Variants in LRRC37B observed in about 807,000 individuals in gnomAD.
The protein encoded by LRRC37B is leucine-rich repeat-containing protein 37B.
In LRRC37B, 28 loss-of-function variants were observed where a neutral mutation model predicts 98.3. The ratio of observed to expected loss-of-function variants is 0.28; its 90% CI spans 0.21 to 0.39. The LOEUF is 0.39. Ranked by LOEUF, LRRC37B falls within the 10% of genes least tolerant of loss-of-function variation. The pLI, the probability that LRRC37B is intolerant of heterozygous loss-of-function variation, is 1.00. For synonymous variants in LRRC37B, 364 were observed against 442.7 expected, an observed-to-expected ratio of 0.82 and a Z score of 2.23; for missense variants, 938 against 1,182.7, an observed-to-expected ratio of 0.79 and a Z score of 3.03.
At chr17:32,027,298 G>A (rs569609564) in intron 2 of LRRC37B, among the ~76,000 whole-genome samples, 9 of 152,258 alleles carry the variant, frequency 5.9e-5, no homozygotes, top group African/African-American at 2.2e-4. Flanking sequence ...AATTTGGTGG[G>A]AAGAGTGGAG....
rs1910978148 is a variant in LRRC37B, at chr17:32,027,176, A to G, written c.1833-593A>G. Among the ~76,000 whole-genome samples, 4 of 152,238 alleles carry G rather than the reference A, an allele frequency of 2.6e-5. No individual in the cohort carries two copies. The South Asian group carries it at 8.3e-4, about 32-fold the overall frequency. On this transcript the variant is annotated intron_variant, in intron 2 of 11. Transcript: ENST00000327564. Reference sequence around the variant, plus strand: ...ACATGGTCCCATGTGGGGCTTTTGTAATAAGGTTTGGGAGAAGAGAGGAGG... The same window carrying G: ...ACATGGTCCCATGTGGGGCTTTTGTGATAAGGTTTGGGAGAAGAGAGGAGG...
At chr17:32,039,823 C>G (rs960243883) in intron 7 of LRRC37B, among the ~76,000 whole-genome samples, 1 of 151,690 alleles carries the variant, frequency 6.6e-6, no homozygotes, top group Non-Finnish European at 1.5e-5. Context: ...CTTATCTTCA[C>G]CGGGCTGTCA....
upstream of LRRC37B, chr17:32,020,877 C>G: frequency 3.5e-6 from 3 of 865,616 alleles, no homozygotes; most frequent in African/African-American, 1.8e-5. Flanking sequence ...CCGCTGGAGT[C>G]CTGGGACCAC....
At chr17:32,014,043 C>A (rs534712533) in intron 1 of LRRC37B, among the ~76,000 whole-genome samples, 79 of 152,208 alleles carry the variant, frequency 5.2e-4, no homozygotes, top group African/African-American at 1.7e-3. Flanking sequence ...ACTCAATTAC[C>A]ACCAAAATAT....
chr17:32,017,324 G>A (rs1344331487), upstream of LRRC37B: 1 of 152,118 alleles, frequency 6.6e-6, no homozygotes, highest in Non-Finnish European at 1.5e-5. Flanking sequence ...ACCAGCCCAT[G>A]GTCTCTATTT....
intron 1 of LRRC37B, among the ~76,000 whole-genome samples, chr17:32,010,982 A>C (rs540022584): frequency 7.2e-5 from 11 of 151,746 alleles, no homozygotes; most frequent in Non-Finnish European, 1.3e-4. Context: ...CTCTAGCTTT[A>C]TAGATGAAGG....
chr17:32,046,337 A>G (rs1399431406), intron 8 of LRRC37B, among the ~76,000 whole-genome samples: 6 of 152,206 alleles, frequency 3.9e-5, no homozygotes, highest in Non-Finnish European at 5.9e-5. Context: ...TGGCTCTTCT[A>G]TTGGAATGGG....
intron 7 of LRRC37B, chr17:32,035,902 A>AGTAG: frequency 3.1e-6 from 1 of 324,780 alleles, no homozygotes; most frequent in Non-Finnish European, 5.7e-6. Context: ...CCTGTTAGCT[A>AGTAG]CTAATCTGAT....
At chr17:32,026,654 C>G (rs1910962333) in intron 2 of LRRC37B, among the ~76,000 whole-genome samples, 1 of 152,188 alleles carries the variant, frequency 6.6e-6, no homozygotes, top group Admixed American at 6.5e-5. Flanking sequence ...GTCTCGAACT[C>G]ATGATCTCAG....
chr17:32,034,970 A>G (rs775848147), exon 6 of LRRC37B: 1 of 1,607,022 alleles, frequency 6.2e-7, no homozygotes, highest in Non-Finnish European at 8.5e-7. Context: ...AACTGCCGGC[A>G]TTAAAATATC....
intron 1 of LRRC37B, among the ~76,000 whole-genome samples, chr17:32,011,905 C>T (rs1910533959): frequency 6.6e-6 from 1 of 152,226 alleles, no homozygotes; most frequent in African/African-American, 2.4e-5. Flanking sequence ...TACTCTTTGA[C>T]CCATGATTTG....
chr17:32,042,949 A>G (rs1307845800), intron 7 of LRRC37B: 1 of 152,034 alleles, frequency 6.6e-6, no homozygotes, highest in Non-Finnish European at 1.5e-5. Flanking sequence ...TATGGAATGC[A>G]TAGTAGGCAA....
intron 7 of LRRC37B, chr17:32,041,506 T>C (rs1446603384): frequency 3.5e-6 from 2 of 572,750 alleles, no homozygotes; most frequent in Non-Finnish European, 6.7e-6. Flanking sequence ...TACATGGACG[T>C]GCTCATGCCT....
exon 1 of LRRC37B, chr17:32,022,075 C>T (rs1567613658): frequency 6.2e-7 from 1 of 1,613,382 alleles, no homozygotes; most frequent in Non-Finnish European, 8.5e-7. Context: ...CCTCCAGAGT[C>T]CTCTATGGAG....
chr17:32,050,051 G>A lies in LRRC37B; in HGVS notation c.2806G>A (p.Ala936Thr), dbSNP rs775251464. ...TGACTATAAGAACAAACTCATCTTC[G>A]CAATATCTGTGACTGTAATACTAAT... Residue 936 changes from alanine (A) to threonine (T), a missense_variant, in exon 11 of 12, where the codon GCA becomes ACA. Transcript: ENST00000327564. 7.7e-5 allele frequency: 122 copies of A among 1,588,432 alleles called. No homozygotes were observed. Among genetic ancestry groups the A allele is most frequent in the Admixed American group, 1.7e-4 (10 of 59,222 alleles).
chr17:32,036,567 A>G (rs1245992801), intron 7 of LRRC37B, among the ~76,000 whole-genome samples: 1 of 152,194 alleles, frequency 6.6e-6, no homozygotes, highest in Non-Finnish European at 1.5e-5. Context: ...GTATTATGTC[A>G]TTCCATATAA....
intron 2 of LRRC37B, among the ~76,000 whole-genome samples, chr17:32,025,798 A>G (rs1215844984): frequency 3.3e-5 from 5 of 152,348 alleles, no homozygotes; most frequent in Non-Finnish European, 5.9e-5. Flanking sequence ...GACTATGTAG[A>G]TATAAAATTT....
chr17:32,010,544 G>A (rs1910503041), intron 1 of LRRC37B, among the ~76,000 whole-genome samples: 1 of 152,050 alleles, frequency 6.6e-6, no homozygotes, highest in Non-Finnish European at 1.5e-5. Context: ...ATTTATAAGG[G>A]TACATGTAAT....
At chr17:32,027,813 T>C (rs1459142125) in exon 3 of LRRC37B, 2 of 1,608,082 alleles carry the variant, frequency 1.2e-6, no homozygotes, top group African/African-American at 2.7e-5. Context: ...AAGGATTCAT[T>C]TGAAGGCCTG....
Sources: gnomAD v4.1 joint callset for allele counts (sites outside exome capture counted in the v4.1 genomes callset) on GRCh38, gnomAD v4.1.1 for gene constraint, MANE v1.5 for transcripts, NCBI Gene and HGNC (gene_info 2026-07-23, HGNC 2026-07-21) for gene names.